Variants in WDPCP observed in about 807,000 individuals in gnomAD.
WDPCP encodes WD repeat-containing and planar cell polarity effector protein fritz homolog.
Under a neutral mutation model 93.1 loss-of-function variants are expected in WDPCP, and 71 were observed. That is an observed-to-expected ratio of 0.76 (90% CI 0.63 to 0.93). WDPCP has a LOEUF of 0.93. Ranked by LOEUF, WDPCP falls within the 40% of genes least tolerant of loss-of-function variation. The probability of loss-of-function intolerance (pLI) is 0.00; values close to 1 mark genes in which losing one functional copy is unlikely to be tolerated. For synonymous variants in WDPCP, 315 were observed against 315.0 expected, an observed-to-expected ratio of 1.00 and a Z score of 0.00; for missense variants, 844 against 887.4, an observed-to-expected ratio of 0.95 and a Z score of 0.62.
chr2:63,681,766 C>T (rs561423359), intron 2 of WDPCP, among the ~76,000 whole-genome samples: 1 of 152,316 alleles, frequency 6.6e-6, no homozygotes, highest in African/African-American at 2.4e-5. Flanking sequence ...TCTGACCAAG[C>T]ACAGTCTCAG....
At chr2:63,162,516 T>C (rs1672710442) in intron 15 of WDPCP, among the ~76,000 whole-genome samples, 1 of 152,214 alleles carries the variant, frequency 6.6e-6, no homozygotes, top group Admixed American at 6.5e-5. Flanking sequence ...GTGAAAATAC[T>C]GATAAACTAA....
At position 63,119,848 on chromosome 2, in the gene WDPCP, C is replaced by T. The variant is rs886875788; in HGVS notation, c.*2158G>A. 1.3e-5 allele frequency among the ~76,000 whole-genome samples: 2 copies of T among 152,184 alleles called. No homozygotes were observed. The highest frequency in any genetic ancestry group is 2.4e-5 in the African/African-American group (1 of 41,444). On this transcript the variant is annotated 3_prime_UTR_variant, in exon 18 of 18. Transcript: ENST00000272321. Reference sequence around the variant, plus strand: ...TTAATTAATATTCTCAGATTTACAACATCTGGGAAATAACAGCATTTATAA... The same window carrying T: ...TTAATTAATATTCTCAGATTTACAATATCTGGGAAATAACAGCATTTATAA...
chr2:63,361,364 G>A (rs1427874372), intron 12 of WDPCP, among the ~76,000 whole-genome samples: 1 of 152,118 alleles, frequency 6.6e-6, no homozygotes, highest in African/African-American at 2.4e-5. Context: ...ACTGATCACT[G>A]GCCACTAATC....
intron 17 of WDPCP, among the ~76,000 whole-genome samples, chr2:63,137,836 G>T (rs1389479121): frequency 6.6e-6 from 1 of 152,072 alleles, no homozygotes; most frequent in African/African-American, 2.4e-5. Context: ...GCTTGTTTTT[G>T]TCAGGTTTTT....
At chr2:63,451,758 G>A (rs905081897) in intron 6 of WDPCP, among the ~76,000 whole-genome samples, 5 of 152,108 alleles carry the variant, frequency 3.3e-5, no homozygotes, top group African/African-American at 4.8e-5. Flanking sequence ...GATCAAGTGG[G>A]CTTCATCCCT....
chr2:63,408,540 T>C (rs1694775281), intron 9 of WDPCP, among the ~76,000 whole-genome samples: 1 of 152,068 alleles, frequency 6.6e-6, no homozygotes, highest in Non-Finnish European at 1.5e-5. Flanking sequence ...AGGAAATCTC[T>C]AGCTGAACTG....
chr2:63,796,359 T>C (rs567784438), intron 2 of WDPCP, among the ~76,000 whole-genome samples: 56 of 152,298 alleles, frequency 3.7e-4, no homozygotes, highest in Admixed American at 1.8e-3. Flanking sequence ...GAACAACAGA[T>C]TGAACAACTA....
intron 6 of WDPCP, among the ~76,000 whole-genome samples, chr2:63,468,739 T>A (rs543896699): frequency 1.1e-4 from 17 of 152,246 alleles, no homozygotes; most frequent in African/African-American, 4.1e-4. Flanking sequence ...TTTCTGTCTG[T>A]CTCTCTCCTT....
At chr2:63,339,514 G>C (rs117141024) in intron 12 of WDPCP, among the ~76,000 whole-genome samples, 1 of 152,032 alleles carries the variant, frequency 6.6e-6, no homozygotes, top group South Asian at 2.1e-4. Context: ...ATATATAAGC[G>C]CTGCTGATTT....
At chr2:63,183,063 A>C (rs554479791) in intron 14 of WDPCP, among the ~76,000 whole-genome samples, 1 of 151,242 alleles carries the variant, frequency 6.6e-6, no homozygotes, top group Non-Finnish European at 1.5e-5. Flanking sequence ...CAGTTTGTCA[A>C]CTTTATTTTA....
At chr2:63,219,553 G>C (rs1037844361) in intron 14 of WDPCP, among the ~76,000 whole-genome samples, 3 of 152,140 alleles carry the variant, frequency 2.0e-5, no homozygotes, top group South Asian at 2.1e-4. Context: ...ATTGATGTAA[G>C]AATGATAAAA....
At chr2:63,755,438 G>A (rs1016781685) in intron 2 of WDPCP, among the ~76,000 whole-genome samples, 3 of 152,152 alleles carry the variant, frequency 2.0e-5, no homozygotes, top group Admixed American at 6.5e-5. Context: ...TTATTACAGT[G>A]GAAGGAGGAG....
chr2:63,123,380 A>G (rs887494157), intron 17 of WDPCP, among the ~76,000 whole-genome samples: 1 of 152,122 alleles, frequency 6.6e-6, no homozygotes, highest in Non-Finnish European at 1.5e-5. Context: ...GGCATACCTA[A>G]GAACTATCGT....
chr2:63,622,556 G>T, intron 3 of WDPCP: 11 of 1,613,914 alleles, frequency 6.8e-6, no homozygotes, highest in Non-Finnish European at 7.6e-6. Flanking sequence ...AGGTAGTCAT[G>T]GTCTGATTCT....
At chr2:63,555,788 C>T (rs1575639744) in intron 1 of WDPCP, among the ~76,000 whole-genome samples, 1 of 152,120 alleles carries the variant, frequency 6.6e-6, no homozygotes, top group South Asian at 2.1e-4. Context: ...GAAAAACAAA[C>T]AGAAAGGAAC....
intron 3 of WDPCP, among the ~76,000 whole-genome samples, chr2:63,639,455 A>G (rs1183580705): frequency 2.6e-5 from 4 of 152,018 alleles, no homozygotes; most frequent in African/African-American, 9.7e-5. Context: ...CTAGAAGTTT[A>G]TTTCTTATAG....
At position 63,319,803 on chromosome 2, in the gene WDPCP, C is replaced by A. The variant is rs142144661; in HGVS notation, c.1749-6492G>T. ...ACTTTAAATCTTAAATCAGAGAATA[C>A]ACATTCTTCTTAAGCACAAATGGGA... is the stretch of plus-strand genomic sequence containing the variant. On this transcript the variant is annotated intron_variant, in intron 12 of 17. Transcript: ENST00000272321. Among the ~76,000 whole-genome samples, 116 of 152,254 alleles carry A rather than the reference C, an allele frequency of 7.6e-4. 1 individual carries two copies. The East Asian group carries it at 0.017, about 22-fold the overall frequency.
Position 63,620,028 on chromosome 2 carries a change from A to G in WDPCP, n.488+30631T>C, listed in dbSNP as rs532264793. 2.0e-5 allele frequency among the ~76,000 whole-genome samples: 3 copies of G among 152,338 alleles called. No homozygotes were observed. In the East Asian group the frequency reaches 5.8e-4, roughly 29 times the overall value. ...TTTTCCCATAGGCTTTGCAACCCAT[A>G]GACCAGGGGACCCCCTCAGGTGCCT... On this transcript the variant is annotated intron_variant and non_coding_transcript_variant, in intron 3 of 4. Transcript: ENST00000467687.
intron 3 of WDPCP, among the ~76,000 whole-genome samples, chr2:63,616,382 G>A (rs1258929335): frequency 2.2e-4 from 33 of 152,160 alleles, no homozygotes; most frequent in Admixed American, 2.2e-3. Flanking sequence ...GGGGAATTAA[G>A]GGAGGGAGGG....
Sources: gnomAD v4.1 joint callset for allele counts (sites outside exome capture counted in the v4.1 genomes callset) on GRCh38, gnomAD v4.1.1 for gene constraint, MANE v1.5 for transcripts, NCBI Gene and HGNC (gene_info 2026-07-23, HGNC 2026-07-21) for gene names.